The following MAF variants were observed in gnomAD, a reference collection of about 807,000 sequenced individuals.
The protein encoded by MAF is MAF bZIP transcription factor, also known as transcription factor Maf.
Under a neutral mutation model 22.0 loss-of-function variants are expected in MAF, and 10 were observed. The ratio of observed to expected loss-of-function variants is 0.45; its 90% confidence interval spans 0.28 to 0.77. MAF has a LOEUF of 0.77. Ranked by LOEUF, MAF falls within the 30% of genes least tolerant of loss-of-function variation. The pLI is 0.12. For missense variants in MAF, 544 were observed against 548.4 expected, an observed-to-expected ratio of 0.99 and a Z score of 0.08; for synonymous variants, 337 against 255.8, an observed-to-expected ratio of 1.32 and a Z score of -3.03.
chr16:79,475,283 A>G, the MAF span, among the ~76,000 whole-genome samples: 31 of 151,646 alleles, frequency 2.0e-4, no homozygotes, highest in Non-Finnish European at 3.8e-4. Flanking sequence ...AAAAATATAT[A>G]TATTATTAAT....
At chr16:79,585,026 A>G (rs895710492), downstream of MAF, among the ~76,000 whole-genome samples, 2 of 152,222 alleles carry the variant, frequency 1.3e-5, no homozygotes, top group East Asian at 1.9e-4. Flanking sequence ...ACCAAAAAAT[A>G]TATTTCATGC....
chr16:79,336,611 G>T, the MAF span, among the ~76,000 whole-genome samples: 1 of 152,020 alleles, frequency 6.6e-6, no homozygotes, highest in African/African-American at 2.4e-5. Context: ...AACCATTCCA[G>T]TTCAGTGTTT....
chr16:79,343,464 C>T, the MAF span, among the ~76,000 whole-genome samples: 2 of 152,142 alleles, frequency 1.3e-5, no homozygotes, highest in African/African-American at 4.8e-5. Flanking sequence ...TGAAGTGTTC[C>T]ACGGAGTCCA....
At chr16:79,305,950 C>T in the MAF span, among the ~76,000 whole-genome samples, 1 of 152,188 alleles carries the variant, frequency 6.6e-6, no homozygotes, top group African/African-American at 2.4e-5. Context: ...ACCCTGGGCT[C>T]CAGCAACGGC....
At chr16:79,511,252 A>AAAAGAAAAGAAAAGG in the MAF span, among the ~76,000 whole-genome samples, 3 of 151,040 alleles carry the variant, frequency 2.0e-5, no homozygotes, top group Non-Finnish European at 4.4e-5. Context: ...TTTTCAAAAA[A>AAAAGAAAAGAAAAGG]AAAGAAAAGA....
chr16:79,357,459 TA>T, the MAF span, among the ~76,000 whole-genome samples: 3 of 152,062 alleles, frequency 2.0e-5, no homozygotes, highest in Non-Finnish European at 2.9e-5. Flanking sequence ...AAAACAGAAA[TA>T]AAAACTAATA....
the MAF span, among the ~76,000 whole-genome samples, chr16:79,539,701 T>C: frequency 1.3e-5 from 2 of 152,190 alleles, no homozygotes; most frequent in African/African-American, 2.4e-5. Flanking sequence ...AATTAAATAG[T>C]TTCATTCATA....
At chr16:79,330,737 G>C in the MAF span, among the ~76,000 whole-genome samples, 1 of 152,236 alleles carries the variant, frequency 6.6e-6, no homozygotes, top group African/African-American at 2.4e-5. Flanking sequence ...CATGAACTTG[G>C]AAATCTGGCT....
At chr16:79,520,531 CT>C in the MAF span, among the ~76,000 whole-genome samples, 2 of 152,052 alleles carry the variant, frequency 1.3e-5, no homozygotes, top group African/African-American at 4.8e-5. Context: ...GTTCTGAAAT[CT>C]GGATAAGTAG....
the MAF span, among the ~76,000 whole-genome samples, chr16:79,533,363 C>A: frequency 1.3e-5 from 2 of 152,204 alleles, no homozygotes; most frequent in East Asian, 3.9e-4. Context: ...TTATATACAA[C>A]TGAGTCAAAA....
At chr16:79,462,878 G>A in the MAF span, among the ~76,000 whole-genome samples, 8,396 of 152,258 alleles carry the variant, frequency 0.055, 251 homozygotes, top group African/African-American at 0.088. Context: ...GGGGAAATAG[G>A]TAATAAACAA....
the MAF span, among the ~76,000 whole-genome samples, chr16:79,209,192 T>G: frequency 6.6e-6 from 1 of 152,212 alleles, no homozygotes; most frequent in Non-Finnish European, 1.5e-5. Flanking sequence ...AAATGTAGGT[T>G]GGCATGAAAT....
chr16:79,447,200 G>A, the MAF span, among the ~76,000 whole-genome samples: 2 of 152,046 alleles, frequency 1.3e-5, no homozygotes, highest in Admixed American at 1.3e-4. Flanking sequence ...AAAAAGCTAG[G>A]TTCCTTAAGA....
At chr16:79,233,141 T>G in the MAF span, among the ~76,000 whole-genome samples, 1 of 151,990 alleles carries the variant, frequency 6.6e-6, no homozygotes, top group Non-Finnish European at 1.5e-5. Context: ...CGCCCGGCCT[T>G]GATAGGCCAT....
At chr16:79,206,802 C>T in the MAF span, 31 of 152,034 alleles carry the variant, frequency 2.0e-4, no homozygotes, top group African/African-American at 7.5e-4. Context: ...GTGTGGTCAC[C>T]TAGCCAGGGA....
At chr16:79,462,617 A>G in the MAF span, among the ~76,000 whole-genome samples, 6 of 152,206 alleles carry the variant, frequency 3.9e-5, no homozygotes, top group Admixed American at 3.3e-4. Context: ...GTGCAAACAT[A>G]CATGTTCACA....
intron 1 of MAF, among the ~76,000 whole-genome samples, chr16:79,587,580 A>G (rs1433097214): frequency 6.6e-6 from 1 of 152,154 alleles, no homozygotes; most frequent in African/African-American, 2.4e-5. Context: ...TTTACATGAG[A>G]TCATATACTT....
chr16:79,434,301 G>A, the MAF span, among the ~76,000 whole-genome samples: 2 of 152,342 alleles, frequency 1.3e-5, no homozygotes, highest in African/African-American at 4.8e-5. Context: ...CACACACGGT[G>A]ACGTGCTTAT....
chr16:79,559,844 TCTC>T, the MAF span, among the ~76,000 whole-genome samples: 3 of 152,206 alleles, frequency 2.0e-5, no homozygotes, highest in Non-Finnish European at 2.9e-5. Flanking sequence ...GCTTGAAAGT[TCTC>T]CTACCATAAC....
Sources: allele counts gnomAD v4.1 joint callset (sites outside exome capture counted in the v4.1 genomes callset), GRCh38; gene constraint gnomAD v4.1.1; transcripts MANE v1.5; gene names NCBI Gene and HGNC (gene_info 2026-07-23, HGNC 2026-07-21).